GOLGA8M: variants seen among roughly 807,000 people sequenced by gnomAD.
GOLGA8M encodes the protein golgin subfamily A member 8M.
In GOLGA8M, 34 loss-of-function variants were observed where a neutral mutation model predicts 87.7. The ratio of observed to expected loss-of-function variants is 0.39; its 90% confidence interval spans 0.29 to 0.52. The LOEUF (loss-of-function observed/expected upper bound fraction) is 0.52. Among genes scored for constraint, GOLGA8M ranks in the 20% least tolerant of loss-of-function variants. The pLI, the probability that GOLGA8M is intolerant of heterozygous loss-of-function variation, is 0.80. For synonymous variants in GOLGA8M, 138 were observed against 250.2 expected (o/e 0.55, Z 4.23); for missense variants, 396 against 682.2 (o/e 0.58, Z 4.67).
At chr15:28,711,917 C>T (rs1429306112) in intron 1 of GOLGA8M, 99 of 984,794 alleles carry the variant, frequency 1.0e-4, no homozygotes, top group African/African-American at 1.2e-4. Context: ...GAGTCACCAG[C>T]CCAAAGTCAC....
At position 28,701,713 on chromosome 15, in the gene GOLGA8M, C is replaced by T. The variant is rs577517953; in HGVS notation, c.*241G>A. Among the ~76,000 whole-genome samples, 13 of 151,902 alleles carry T rather than the reference C, an allele frequency of 8.6e-5. No individual in the cohort carries two copies. The highest frequency in any genetic ancestry group is 6.5e-4 in the Admixed American group (10 of 15,276). ...ACTCGATATGCATGCTAATGACCTA[C>T]AATTATGAAATTAAAAAAGAAAAAT... On this transcript the variant is annotated 3_prime_UTR_variant, in exon 19 of 19. Transcript: ENST00000563027.
In GOLGA8M at chr15:28,701,441, C is replaced by T. The variant is rs1049599779; in HGVS notation, c.*513G>A. On this transcript the variant is annotated 3_prime_UTR_variant, in exon 19 of 19. Transcript: ENST00000563027. ...CTCTAAATGTCAGTACTCATAGTGG[C>T]ATATTACAAAGTAATAAACAGTGCA... is the stretch of plus-strand genomic sequence containing the variant. Among the ~76,000 whole-genome samples the T allele has an allele frequency of 5.7e-4, 86 of 151,928 alleles. No homozygotes were observed. Among genetic ancestry groups the T allele is most frequent in the African/African-American group, 2.0e-3 (81 of 41,362 alleles).
At position 28,705,491 on chromosome 15, in the gene GOLGA8M, CGAA is replaced by C. The variant is rs2079991300; in HGVS notation, c.1120_1122del (p.Phe374del). On this transcript the variant is annotated inframe_deletion, in exon 12 of 19. Transcript: ENST00000563027. ...CAGTTTGGGCAACGCACCGGCTCCT[CGAA>C]GACGCTCTGTGGCTTGGCCAGCTGC... 6.4e-7 allele frequency: 1 copy of C among 1,553,556 alleles called. No individual in the cohort carries two copies. Among genetic ancestry groups the C allele is most frequent in the African/African-American group, 1.4e-5 (1 of 71,028 alleles).
chr15:28,712,199 A>G, intron 1 of GOLGA8M, 77 bp downstream of exon 1: 3 of 1,528,774 alleles, frequency 2.0e-6, no homozygotes, highest in South Asian at 1.2e-5. Context: ...CAGGAGTCGT[A>G]TAGACTCTGG....
intron 1 of GOLGA8M, 194 bp downstream of exon 1, chr15:28,712,082 G>A: frequency 7.1e-6 from 7 of 983,040 alleles, no homozygotes; most frequent in Non-Finnish European, 8.5e-6. Flanking sequence ...GGGGTGATTG[G>A]CGAGGGCAAG....
rs2079813801 is a variant in GOLGA8M at position 28,702,281 on chromosome 15, G to A, written c.1656C>T (p.Asn552=). 5 of 1,551,674 alleles carry A rather than the reference G, an allele frequency of 3.2e-6. No homozygotes were observed. The highest frequency in any genetic ancestry group is 1.4e-5 in the African/African-American group (1 of 70,108). Residue 552 remains asparagine, a synonymous_variant, in exon 18 of 19, where the codon AAC becomes AAT. Coordinates refer to ENST00000563027, the MANE Select transcript of GOLGA8M (RefSeq NM_001282468.3). Reference sequence around the variant, plus strand: ...CTCCTGGACCGGGCTCATCAGCAGAGTTGTGGGCAGCGGCCAGGAATTTTC... The same window carrying A: ...CTCCTGGACCGGGCTCATCAGCAGAATTGTGGGCAGCGGCCAGGAATTTTC... The part of the protein sequence containing the change: ...GHRKFLAAAH[N]SADEPGPGAP...
upstream of GOLGA8M, among the ~76,000 whole-genome samples, chr15:28,712,934 T>C (rs1195112678): frequency 6.6e-6 from 1 of 151,332 alleles, no homozygotes; most frequent in East Asian, 2.0e-4. Context: ...TCTAATAAGA[T>C]AAAATAATCA....
Position 28,702,138 on chromosome 15 carries a change from A to G in GOLGA8M, c.1724-9T>C. The G allele has an allele frequency of 1.3e-6, 2 of 1,578,492 alleles. No homozygotes were observed. Among genetic ancestry groups the G allele is most frequent in the Non-Finnish European group, 1.7e-6 (2 of 1,171,152 alleles). The stretch of plus-strand genomic sequence containing the variant: ...GCTCACCTCACAAAGATCTTTGGAG[A>G]GAGGGAGGCAGGGATCTGAGCACAG... On this transcript the variant is annotated splice_polypyrimidine_tract_variant and intron_variant, in intron 18 of 18. Transcript: ENST00000563027.
In GOLGA8M at chr15:28,708,066, A is replaced by C. The variant is rs770753033; in HGVS notation, c.397-29T>G. ...TGGGAGAAAAGCCAAGCAAGTGCTGAAAGAGAAGGAAAGAAACATTCTCCG... is the reference window on the plus strand; with the variant it reads ...TGGGAGAAAAGCCAAGCAAGTGCTGCAAGAGAAGGAAAGAAACATTCTCCG... On this transcript the variant is annotated intron_variant, in intron 6 of 18. Transcript: ENST00000563027. The C allele has an allele frequency of 1.2e-5, 20 of 1,606,798 alleles. 1 individual carries two copies. Among genetic ancestry groups the C allele is most frequent in the Admixed American group, 8.7e-5 (5 of 57,298 alleles).
At position 28,702,318 on chromosome 15, in the gene GOLGA8M, T is replaced by C. The variant is rs1481003637; in HGVS notation, c.1619A>G (p.Asn540Ser). The C allele has an allele frequency of 6.5e-7, 1 of 1,531,100 alleles. No homozygotes were observed. The highest frequency in any genetic ancestry group is 1.4e-5 in the African/African-American group (1 of 70,000). 94.8% of individuals were successfully genotyped at this position (1,531,100 alleles called of 1,614,324 possible). A position where few individuals can be genotyped will look rare whatever the true frequency, so the allele number is the denominator to read the frequency against. The stretch of plus-strand genomic sequence containing the variant: ...GGCCAGGAATTTTCTGTGCCCATTG[T>C]TGTAGTTGCTGTAAGCCGCAATACC... ...ADGIAAYSNY[N>S]NGHRKFLAAA... The change falls in exon 18 of 19, where the codon AAC (asparagine) becomes AGC (serine). Residue 540 changes from asparagine (N) to serine (S), a missense_variant. This residue lies in a region of GOLGA8M where 173 missense variants were observed against 150.2 expected (regional missense o/e 1.15). Coordinates refer to ENST00000563027, the MANE Select transcript of GOLGA8M (RefSeq NM_001282468.3).
intron 4 of GOLGA8M, among the ~76,000 whole-genome samples, chr15:28,708,649 C>G (rs922528693): frequency 6.7e-6 from 1 of 149,644 alleles, no homozygotes; most frequent in Non-Finnish European, 1.5e-5. Context: ...CTTGAGAGGA[C>G]AGCAACATAA....
chr15:28,711,625 C>A lies in GOLGA8M; in HGVS notation c.48+651G>T, dbSNP rs1315289710. ...GAAATTTGTCCTGTGACCAGAGGAACCAGAAACGAGGTGAGAACGCTTAGG... is the reference window on the plus strand; with the variant it reads ...GAAATTTGTCCTGTGACCAGAGGAAACAGAAACGAGGTGAGAACGCTTAGG... On this transcript the variant is annotated intron_variant, in intron 1 of 18. Transcript: ENST00000563027. 3.0e-6 allele frequency: 3 copies of A among 984,972 alleles called. No homozygotes were observed. In the East Asian group the frequency reaches 3.4e-4, roughly 112 times the overall value. 61.0% of individuals were successfully genotyped at this position (984,972 alleles called of 1,614,324 possible). A position where few individuals can be genotyped will look rare whatever the true frequency, so the allele number is the denominator to read the frequency against.
chr15:28,707,039 T>C (rs2140931236), intron 8 of GOLGA8M, among the ~76,000 whole-genome samples: 1 of 130,430 alleles, frequency 7.7e-6, no homozygotes, highest in Middle Eastern at 3.5e-3. Context: ...AGGAGACAGT[T>C]ACTATGATTC....
intron 13 of GOLGA8M, among the ~76,000 whole-genome samples, chr15:28,704,397 G>A: frequency 6.8e-6 from 1 of 146,898 alleles, no homozygotes; most frequent in Non-Finnish European, 1.5e-5. Flanking sequence ...CCCTTTCCTA[G>A]AACCCCATGC....
Position 28,699,034 on chromosome 15 carries a change from A to G in GOLGA8M, c.*2920T>C. On this transcript the variant is annotated 3_prime_UTR_variant, in exon 19 of 19. Coordinates refer to ENST00000563027, the MANE Select transcript of GOLGA8M (RefSeq NM_001282468.3). ...AAAATGTTTTAAATTATTTCAGAAC[A>G]TTAAGATAGCAGTTACATATTTTAA... Among the ~76,000 whole-genome samples the G allele has an allele frequency of 7.0e-6, 1 of 143,868 alleles. No individual in the cohort carries two copies. Among genetic ancestry groups the G allele is most frequent in the Non-Finnish European group, 1.5e-5 (1 of 67,900 alleles). 94.4% of individuals were successfully genotyped at this position (143,868 alleles called of 152,430 possible). A position where few individuals can be genotyped will look rare whatever the true frequency, so the allele number is the denominator to read the frequency against.
rs971034712 is a variant in GOLGA8M at position 28,701,205 on chromosome 15, G to T, written c.*749C>A. ...GATGCAGTATCTTCATGAGCCCAGA[G>T]CACATACAAATCCTAAGGGCACCAC... On this transcript the variant is annotated 3_prime_UTR_variant, in exon 19 of 19. Coordinates refer to ENST00000563027, the MANE Select transcript of GOLGA8M (RefSeq NM_001282468.3). Among the ~76,000 whole-genome samples, 12 of 151,980 alleles carry T rather than the reference G, an allele frequency of 7.9e-5. No homozygotes were observed. Among genetic ancestry groups the T allele is most frequent in the Non-Finnish European group, 1.5e-4 (10 of 68,020 alleles).
Position 28,702,542 on chromosome 15 carries a change from G to GA in GOLGA8M, c.1489dup (p.Ser497PhefsTer26). ...ATCTTTGGCACGGCCCCCTGGTTCT[G>GA]ATAAAAGGTGATGGATTTTCCTGCG... On this transcript the variant is annotated frameshift_variant, in exon 17 of 19. Coordinates refer to ENST00000563027, the MANE Select transcript of GOLGA8M (RefSeq NM_001282468.3). LOFTEE classifies it high-confidence loss of function. The GA allele has an allele frequency of 6.2e-7, 1 of 1,604,526 alleles. No homozygotes were observed. The highest frequency in any genetic ancestry group is 8.5e-7 in the Non-Finnish European group (1 of 1,179,642).
chr15:28,702,576 G>A lies in GOLGA8M; in HGVS notation c.1470-14C>T, dbSNP rs765102743. 3.7e-6 allele frequency: 6 copies of A among 1,608,786 alleles called. No homozygotes were observed. In the South Asian group the frequency reaches 4.4e-5, roughly 12 times the overall value. ...TGATGGATTTTCCTGCGGGAGGACG[G>A]GGCTCAGACGCTGGGGCCCCTCCGA... On this transcript the variant is annotated splice_polypyrimidine_tract_variant and intron_variant, in intron 16 of 18. Coordinates refer to ENST00000563027, the MANE Select transcript of GOLGA8M (RefSeq NM_001282468.3).
chr15:28,704,365 C>A (rs1271221070), intron 13 of GOLGA8M, among the ~76,000 whole-genome samples: 1 of 147,282 alleles, frequency 6.8e-6, no homozygotes, highest in Admixed American at 7.2e-5. Flanking sequence ...TGTCCCCTTA[C>A]TCCAGGCCTA....
Sources: gnomAD v4.1 joint callset for allele counts (sites outside exome capture counted in the v4.1 genomes callset) on GRCh38, gnomAD v4.1.1 for gene constraint, gnomAD v4.1.1 regional missense constraint, MANE v1.5 for transcripts, NCBI Gene and HGNC (gene_info 2026-07-23, HGNC 2026-07-21) for gene names.